ADAM17: variants seen among roughly 807,000 people sequenced by gnomAD.
The protein encoded by ADAM17 is disintegrin and metalloproteinase domain-containing protein 17.
Under a neutral mutation model 96.7 loss-of-function variants are expected in ADAM17, and 39 were observed. The ratio of observed to expected loss-of-function variants is 0.40; its 90% confidence interval spans 0.31 to 0.53. The LOEUF (loss-of-function observed/expected upper bound fraction) is 0.53, where lower values mean the gene tolerates loss of function less well. ADAM17 is among the 20% of genes least tolerant of loss of function. The probability of loss-of-function intolerance (pLI) is 0.44; values close to 1 mark genes in which losing one functional copy is unlikely to be tolerated. For missense variants in ADAM17, 777 were observed against 1,013.2 expected (o/e 0.77, Z 3.17); for synonymous variants, 344 against 359.2 (o/e 0.96, Z 0.48).
chr2:9,503,955 C>T (rs1227964076), intron 12 of ADAM17, among the ~76,000 whole-genome samples: 1 of 151,894 alleles, frequency 6.6e-6, no homozygotes, highest in African/African-American at 2.4e-5. Context: ...GACTTTACAA[C>T]AAGCTTGGGC....
At position 9,497,024 on chromosome 2, in the gene ADAM17, C is replaced by T. The variant is rs1298082682; in HGVS notation, c.1783+90G>A. 3 of 1,550,284 alleles carry T rather than the reference C, an allele frequency of 1.9e-6. No homozygotes were observed. In the African/African-American group the frequency reaches 4.1e-5, roughly 21 times the overall value. On this transcript the variant is annotated intron_variant, in intron 14 of 18. Coordinates refer to ENST00000310823, the MANE Select transcript of ADAM17 (RefSeq NM_003183.6). ...TCGGCTTGGATCTCACCACTGCTGTCATTCGCACAACCTCCAAATGGAGGA... is the reference window on the plus strand; with the variant it reads ...TCGGCTTGGATCTCACCACTGCTGTTATTCGCACAACCTCCAAATGGAGGA...
chr2:9,547,804 C>A (rs192774918), intron 1 of ADAM17, among the ~76,000 whole-genome samples: 26 of 152,174 alleles, frequency 1.7e-4, no homozygotes, highest in Admixed American at 1.6e-3. Flanking sequence ...CATCCCAGCA[C>A]CTTGGGAGGC....
rs1016756984 is a variant in ADAM17, at chr2:9,490,483, C to T, written c.2169G>A (p.Ser723=). 9 of 1,613,786 alleles carry T rather than the reference C, an allele frequency of 5.6e-6. No homozygotes were observed. The highest frequency in any genetic ancestry group is 1.7e-5 in the Admixed American group (1 of 59,984). Residue 723 remains serine, a synonymous_variant, in exon 19 of 19, where the codon TCG becomes TCA. Transcript: ENST00000310823. ...VEMLSSMDSA[S]VRIIKPFPAP... is the part of the protein sequence containing the mutation. ...CAGGAAAGGGTTTGATAATGCGAAC[C>T]GATGCAGAATCCATGCTGCTCAGCA...
chr2:9,520,745 T>C (rs1228225733), intron 8 of ADAM17, among the ~76,000 whole-genome samples: 2 of 151,816 alleles, frequency 1.3e-5, no homozygotes, highest in African/African-American at 4.8e-5. Context: ...AGACGGATCA[T>C]CTGAGGTCGG....
chr2:9,495,723 AAG>A (rs1553357174), intron 14 of ADAM17, among the ~76,000 whole-genome samples: 10 of 150,912 alleles, frequency 6.6e-5, no homozygotes, highest in South Asian at 2.1e-4. Context: ...AAAAAAAAAA[AAG>A]AAAACCTTTT....
At chr2:9,518,011 G>C in intron 9 of ADAM17, 22 bp from the exon 10 acceptor site, 1 of 1,581,246 alleles carries the variant, frequency 6.3e-7, no homozygotes, top group Non-Finnish European at 8.6e-7. Context: ...AGGAAACAGA[G>C]ATAAATTGCT....
intron 12 of ADAM17, among the ~76,000 whole-genome samples, chr2:9,504,814 G>C (rs1663281699): frequency 1.3e-5 from 2 of 151,712 alleles, no homozygotes; most frequent in Non-Finnish European, 2.9e-5. Flanking sequence ...CTAAACCAAG[G>C]AGCATGCAAG....
rs147224166 is a variant in ADAM17, at chr2:9,515,476, C to T, written c.1191+2425G>A. Among the ~76,000 whole-genome samples the T allele has an allele frequency of 3.5e-3, 530 of 152,186 alleles. 2 individuals are homozygous for T. The highest frequency in any genetic ancestry group is 0.014 in the Middle Eastern group (4 of 294). ...TTATGGCTGGGCGTAGTGGCTCACACCCGTAATCCCAGCACTTTGGGAGGC... is the reference window on the plus strand; with the variant it reads ...TTATGGCTGGGCGTAGTGGCTCACATCCGTAATCCCAGCACTTTGGGAGGC... On this transcript the variant is annotated intron_variant, in intron 10 of 18. Transcript: ENST00000310823.
chr2:9,540,269 C>A (rs903794303), intron 2 of ADAM17, among the ~76,000 whole-genome samples: 5 of 152,198 alleles, frequency 3.3e-5, no homozygotes, highest in Non-Finnish European at 7.4e-5. Context: ...TCACCAAACT[C>A]TCCACCAGTA....
chr2:9,539,579 G>A (rs1366229901), intron 2 of ADAM17, among the ~76,000 whole-genome samples: 1 of 152,104 alleles, frequency 6.6e-6, no homozygotes. Flanking sequence ...AATGATCTTG[G>A]TTTAAATTAC....
In ADAM17 at chr2:9,535,917, G is replaced by T. The variant is rs775650699; in HGVS notation, c.367C>A (p.Pro123Thr). ...DFFTGHVVGE[P>T]DSRVLAHIRD... ...ATGTGGGCTAGAACCCTAGAGTCAG[G>T]CTCACCTTAAGAGAAAAAAAAAATT... Residue 123 changes from proline (P) to threonine (T), a missense_variant, in exon 4 of 19, where the codon CCT becomes ACT. Coordinates refer to ENST00000310823, the MANE Select transcript of ADAM17 (RefSeq NM_003183.6). 6.4e-7 allele frequency: 1 copy of T among 1,561,746 alleles called. No homozygotes were observed. The highest frequency in any genetic ancestry group is 8.7e-7 in the Non-Finnish European group (1 of 1,155,968).
intron 2 of ADAM17, among the ~76,000 whole-genome samples, chr2:9,541,213 T>C (rs1433194880): frequency 1.3e-5 from 2 of 152,200 alleles, no homozygotes; most frequent in African/African-American, 4.8e-5. Context: ...ATGAGGTAAA[T>C]ATGCTATCTA....
chr2:9,531,504 C>G (rs1354426617), intron 4 of ADAM17, among the ~76,000 whole-genome samples: 1 of 151,870 alleles, frequency 6.6e-6, no homozygotes, highest in Non-Finnish European at 1.5e-5. Context: ...GAGTTCAAGA[C>G]CAGCCTGGCC....
chr2:9,548,020 T>A (rs1320962740), intron 1 of ADAM17, among the ~76,000 whole-genome samples: 1 of 151,474 alleles, frequency 6.6e-6, no homozygotes, highest in Non-Finnish European at 1.5e-5. Context: ...TGAGCTGATA[T>A]CGTGCCACTG....
chr2:9,545,812 G>T (rs903212620), intron 1 of ADAM17, among the ~76,000 whole-genome samples: 5 of 152,052 alleles, frequency 3.3e-5, no homozygotes, highest in Admixed American at 6.6e-5. Flanking sequence ...AAGAACATGG[G>T]GCTGAGGGCG....
intron 8 of ADAM17, 34 bp from the exon 9 acceptor site, chr2:9,518,281 A>AG: frequency 1.4e-6 from 2 of 1,412,234 alleles, no homozygotes; most frequent in Non-Finnish European, 1.9e-6. Context: ...AAAAAAAAAA[A>AG]GCATTCTTAG....
chr2:9,521,702 G>C (rs940054172), intron 7 of ADAM17: 2 of 152,696 alleles, frequency 1.3e-5, no homozygotes. Context: ...TAAGAATAGA[G>C]TCTTCTCCTT....
At chr2:9,514,769 G>A (rs1379241737) in intron 10 of ADAM17, among the ~76,000 whole-genome samples, 3 of 151,522 alleles carry the variant, frequency 2.0e-5, no homozygotes, top group African/African-American at 4.8e-5. Flanking sequence ...CAGCTACTTG[G>A]GAGGCTGAGG....
chr2:9,529,012 C>T (rs1038978631), intron 4 of ADAM17, among the ~76,000 whole-genome samples: 19 of 152,126 alleles, frequency 1.2e-4, no homozygotes, highest in Non-Finnish European at 2.6e-4. Context: ...GGAAACAACC[C>T]AAATGTCCAT....
Sources: gnomAD v4.1 joint callset for allele counts (sites outside exome capture counted in the v4.1 genomes callset) on GRCh38, gnomAD v4.1.1 for gene constraint, MANE v1.5 for transcripts, NCBI Gene and HGNC (gene_info 2026-07-23, HGNC 2026-07-21) for gene names.